CACNA1D: variants seen among roughly 807,000 people sequenced by gnomAD.
The protein encoded by CACNA1D is calcium voltage-gated channel subunit alpha1 D, also known as voltage-dependent L-type calcium channel subunit alpha-1D.
A neutral mutation model predicts 257.1 loss-of-function variants in CACNA1D; 55 were observed. The observed-to-expected ratio is 0.21, with a 90% CI of 0.17 to 0.27. CACNA1D has a LOEUF of 0.27. CACNA1D is among the 10% of genes least tolerant of loss of function. The pLI is 1.00. For synonymous variants in CACNA1D, 980 were observed against 1,014.9 expected, an observed-to-expected ratio of 0.97 and a Z score of 0.65; for missense variants, 1,876 against 2,784.0, an observed-to-expected ratio of 0.67 and a Z score of 7.34.
chr3:53,672,826 G>A (rs1331217145), intron 7 of CACNA1D, among the ~76,000 whole-genome samples, 197 bp from the exon 8 acceptor site: 3 of 145,192 alleles, frequency 2.1e-5, no homozygotes, highest in Non-Finnish European at 4.6e-5. Flanking sequence ...GTGTATGGAT[G>A]CTTGTGTGTG....
At chr3:53,506,098 GA>G (rs1323864036) in intron 3 of CACNA1D, among the ~76,000 whole-genome samples, 2 of 152,208 alleles carry the variant, frequency 1.3e-5, no homozygotes, top group African/African-American at 4.8e-5. Context: ...CTATATGGTG[GA>G]GGTTAGGTCT....
At chr3:53,518,959 C>T (rs1006572148) in intron 3 of CACNA1D, among the ~76,000 whole-genome samples, 2 of 152,200 alleles carry the variant, frequency 1.3e-5, no homozygotes, top group African/African-American at 2.4e-5. Context: ...TCTGCAGTCT[C>T]GTCTGGCCTG....
rs60290876 is a variant in CACNA1D, at chr3:53,808,817, A to C, written c.5871+47A>C. Reference sequence around the variant, plus strand: ...GCCCCCACACCTAGGGGCACCCCACATAGGACCCCCATCAGGTCACTCCCT... The same window carrying C: ...GCCCCCACACCTAGGGGCACCCCACCTAGGACCCCCATCAGGTCACTCCCT... On this transcript the variant is annotated intron_variant, in intron 46 of 47. Coordinates refer to ENST00000350061, the MANE Select transcript of CACNA1D (RefSeq NM_001128840.3). 1.3e-3 allele frequency: 2,118 copies of C among 1,594,526 alleles called. 29 individuals are homozygous for C. In the African/African-American group the frequency reaches 0.023, roughly 17 times the overall value.
chr3:53,718,664 A>G, intron 10 of CACNA1D: 1 of 1,492,214 alleles, frequency 6.7e-7, no homozygotes, highest in Non-Finnish European at 9.0e-7. Context: ...TAACCTGGCC[A>G]CCTGCTGTGT....
intron 3 of CACNA1D, among the ~76,000 whole-genome samples, chr3:53,570,176 A>T (rs745634993): frequency 1.4e-4 from 22 of 152,224 alleles, no homozygotes; most frequent in Non-Finnish European, 2.6e-4. Flanking sequence ...CAACTTACAG[A>T]GCCTTTTTCA....
intron 29 of CACNA1D, among the ~76,000 whole-genome samples, chr3:53,760,367 T>A (rs2095293956): frequency 6.6e-6 from 1 of 152,230 alleles, no homozygotes; most frequent in African/African-American, 2.4e-5. Context: ...ATCACAAGTT[T>A]CTGGGACCTG....
At chr3:53,735,564 C>T in intron 20 of CACNA1D, 61 bp downstream of exon 20, 2 of 1,579,364 alleles carry the variant, frequency 1.3e-6, no homozygotes, top group Non-Finnish European at 1.7e-6. Flanking sequence ...GCAGAGGCCA[C>T]TGTAGAGATG....
At chr3:53,725,410 G>A (rs1219641104) in intron 14 of CACNA1D, among the ~76,000 whole-genome samples, 1 of 152,218 alleles carries the variant, frequency 6.6e-6, no homozygotes, top group Non-Finnish European at 1.5e-5. Context: ...GCTCCAGTAG[G>A]TGACCCTGAA....
At chr3:53,510,544 C>G (rs1192206087) in intron 3 of CACNA1D, among the ~76,000 whole-genome samples, 6 of 152,206 alleles carry the variant, frequency 3.9e-5, no homozygotes, top group Admixed American at 3.3e-4. Context: ...CTTCTTTGTG[C>G]ATGCAAGAAA....
chr3:53,734,933 A>C (rs1305613098), intron 19 of CACNA1D, among the ~76,000 whole-genome samples: 4 of 152,252 alleles, frequency 2.6e-5, no homozygotes, highest in Non-Finnish European at 4.4e-5. Context: ...TGTTGAGGGC[A>C]GGCCTGGCCT....
intron 3 of CACNA1D, among the ~76,000 whole-genome samples, chr3:53,586,213 G>C (rs748897200): frequency 2.6e-5 from 4 of 151,932 alleles, no homozygotes; most frequent in Non-Finnish European, 4.4e-5. Flanking sequence ...AAGGGCACTA[G>C]CTGAAGGAAT....
At chr3:53,634,036 G>A (rs547066368) in intron 3 of CACNA1D, among the ~76,000 whole-genome samples, 21 of 152,258 alleles carry the variant, frequency 1.4e-4, no homozygotes, top group Non-Finnish European at 2.2e-4. Context: ...TTAAGCTTTC[G>A]TGGCCCTTCA....
intron 15 of CACNA1D, among the ~76,000 whole-genome samples, chr3:53,729,281 A>G (rs2094964940): frequency 6.6e-6 from 1 of 152,202 alleles, no homozygotes. Flanking sequence ...AACCTTGAAT[A>G]GATTAGTCAG....
chr3:53,524,068 CA>C (rs767176214), intron 3 of CACNA1D, among the ~76,000 whole-genome samples: 5 of 152,128 alleles, frequency 3.3e-5, no homozygotes, highest in Non-Finnish European at 7.3e-5. Flanking sequence ...GAAACTTTAT[CA>C]ATTCCAGTTT....
intron 9 of CACNA1D, among the ~76,000 whole-genome samples, chr3:53,708,810 G>A (rs1460627088): frequency 6.6e-6 from 1 of 152,174 alleles, no homozygotes; most frequent in Admixed American, 6.5e-5. Context: ...AGACTTAGAA[G>A]TTTGGGGCCT....
At chr3:53,686,385 C>T (rs192313535) in intron 8 of CACNA1D, among the ~76,000 whole-genome samples, 4 of 152,090 alleles carry the variant, frequency 2.6e-5, no homozygotes, top group African/African-American at 7.2e-5. Context: ...AATACCAAAA[C>T]TTTACAAAGA....
At chr3:53,677,996 G>A (rs1395197152) in intron 8 of CACNA1D, among the ~76,000 whole-genome samples, 1 of 152,142 alleles carries the variant, frequency 6.6e-6, no homozygotes. Flanking sequence ...AATTATGACA[G>A]TTCAGGAAGG....
intron 3 of CACNA1D, among the ~76,000 whole-genome samples, chr3:53,537,398 G>A (rs1312668955): frequency 2.0e-5 from 3 of 152,060 alleles, no homozygotes; most frequent in African/African-American, 4.8e-5. Flanking sequence ...TCCATTTCCT[G>A]TATTATTTTG....
intron 3 of CACNA1D, among the ~76,000 whole-genome samples, chr3:53,545,858 G>A (rs550057952): frequency 5.9e-5 from 9 of 152,306 alleles, no homozygotes; most frequent in East Asian, 5.8e-4. Flanking sequence ...TCTATTGTGC[G>A]TGCTGATGTA....
Sources: gnomAD v4.1 joint callset for allele counts (sites outside exome capture counted in the v4.1 genomes callset) on GRCh38, gnomAD v4.1.1 for gene constraint, MANE v1.5 for transcripts, NCBI Gene and HGNC (gene_info 2026-07-23, HGNC 2026-07-21) for gene names.